LACTB2: variants seen among roughly 807,000 people sequenced by gnomAD.
The protein encoded by LACTB2 is endoribonuclease LACTB2.
Under a neutral mutation model 34.8 loss-of-function variants are expected in LACTB2, and 32 were observed. That is an observed-to-expected ratio of 0.92 (90% CI 0.69 to 1.24). The LOEUF (loss-of-function observed/expected upper bound fraction) is 1.24. Ranked by LOEUF, LACTB2 falls within the 50% of genes most tolerant of loss-of-function variation. LACTB2 has a pLI of 0.00. For missense variants in LACTB2, 320 were observed against 345.0 expected (o/e 0.93, Z 0.57); for synonymous variants, 120 against 117.5 (o/e 1.02, Z -0.14).
chr8:70,665,737 A>C (rs1459007605), intron 1 of LACTB2, among the ~76,000 whole-genome samples: 1 of 152,232 alleles, frequency 6.6e-6, no homozygotes, highest in Non-Finnish European at 1.5e-5. Context: ...TGGCTAGTAA[A>C]TGGCACCAGG....
At chr8:70,638,071 A>G (rs1275459181) in intron 6 of LACTB2, among the ~76,000 whole-genome samples, 168 bp from the exon 7 acceptor site, 1 of 152,272 alleles carries the variant, frequency 6.6e-6, no homozygotes, top group Non-Finnish European at 1.5e-5. Flanking sequence ...AGGCTTCTAC[A>G]TCAAATTCAA....
chr8:70,638,766 G>A (rs1818156519), intron 5 of LACTB2, 137 bp from the exon 6 acceptor site: 3 of 677,794 alleles, frequency 4.4e-6, no homozygotes, highest in Admixed American at 1.0e-4. Flanking sequence ...TTTTGAGACA[G>A]AGTCTCACTC....
At chr8:70,663,067 A>G (rs1818499230) in intron 1 of LACTB2, 2 of 152,224 alleles carry the variant, frequency 1.3e-5, no homozygotes, top group Non-Finnish European at 2.9e-5. Context: ...CTGACAGATT[A>G]GCCTTGATGA....
chr8:70,637,894 G>A lies in LACTB2; in HGVS notation c.833C>T (p.Thr278Ile), dbSNP rs775816208. ...AGCTTTCCATTTCTTGTCAGGATCT[G>A]TGTTGCTAACTGTAAAAAGAAAATC... ...LEKEGKIFSN[T>I]DPDKKWKAHL The change falls in exon 7 of 7, where the codon ACA (threonine) becomes ATA (isoleucine). Residue 278 changes from threonine (T) to isoleucine (I), a missense_variant. By Grantham distance (89) the Thr-to-Ile change is moderately conservative. Coordinates refer to ENST00000276590, the MANE Select transcript of LACTB2 (RefSeq NM_016027.3). 1.9e-5 allele frequency: 29 copies of A among 1,545,964 alleles called. No individual in the cohort carries two copies. The highest frequency in any genetic ancestry group is 2.4e-5 in the Non-Finnish European group (28 of 1,144,534).
rs1351513217 is a variant in LACTB2, at chr8:70,668,993, G to C, written c.122+6C>G. 3.8e-6 allele frequency: 6 copies of C among 1,579,680 alleles called. No individual in the cohort carries two copies. The highest frequency in any genetic ancestry group is 5.2e-6 in the Non-Finnish European group (6 of 1,162,998). ...AACGTTGGGGAGGTTGGAGAGGGAC[G>C]TTTACCTGGGGCCGGTCCCCACTAG... On this transcript the variant is annotated splice_donor_region_variant and intron_variant, in intron 1 of 6. Transcript: ENST00000276590.
At chr8:70,661,695 G>A (rs771044453) in intron 2 of LACTB2, 39 bp downstream of exon 2, 26 of 1,555,636 alleles carry the variant, frequency 1.7e-5, no homozygotes, top group African/African-American at 5.5e-5. Context: ...CTCCAAACAC[G>A]GCTTTCCTCA....
chr8:70,659,001 C>T (rs180984764), intron 2 of LACTB2, among the ~76,000 whole-genome samples: 6 of 151,356 alleles, frequency 4.0e-5, no homozygotes, highest in East Asian at 3.9e-4. Context: ...CATTCCAGGC[C>T]GAGCGACAGT....
chr8:70,659,839 G>C (rs1194298948), intron 2 of LACTB2, among the ~76,000 whole-genome samples: 1 of 152,168 alleles, frequency 6.6e-6, no homozygotes, highest in African/African-American at 2.4e-5. Context: ...GGGGATGGGG[G>C]AAATCACTGC....
intron 2 of LACTB2, among the ~76,000 whole-genome samples, chr8:70,658,235 T>C (rs1205066266): frequency 2.6e-5 from 4 of 152,228 alleles, no homozygotes; most frequent in African/African-American, 9.6e-5. Context: ...TCCAGGTGCC[T>C]AACATGTAGC....
intron 3 of LACTB2, chr8:70,652,009 A>G (rs896708277): frequency 6.6e-6 from 1 of 152,206 alleles, no homozygotes; most frequent in African/African-American, 2.4e-5. Flanking sequence ...TTTCTTCAAG[A>G]AATTTAACTT....
intron 4 of LACTB2, among the ~76,000 whole-genome samples, chr8:70,642,319 C>T (rs1818208492): frequency 6.6e-6 from 1 of 152,144 alleles, no homozygotes; most frequent in South Asian, 2.1e-4. Flanking sequence ...ATGCCCAGCT[C>T]TACCGTATGT....
At chr8:70,650,161 C>G (rs114754695) in intron 3 of LACTB2, among the ~76,000 whole-genome samples, 1,584 of 152,036 alleles carry the variant, frequency 0.01, 25 homozygotes, top group African/African-American at 0.036. Flanking sequence ...GTAAACCTGT[C>G]TTTTTACAAG....
intron 2 of LACTB2, among the ~76,000 whole-genome samples, chr8:70,659,046 A>G (rs1818449319): frequency 1.3e-5 from 2 of 152,156 alleles, no homozygotes; most frequent in Non-Finnish European, 2.9e-5. Context: ...AAGCATTAAA[A>G]TGAGAATGAG....
intron 1 of LACTB2, among the ~76,000 whole-genome samples, chr8:70,667,665 A>G (rs1818548887): frequency 1.3e-5 from 2 of 152,196 alleles, no homozygotes; most frequent in Admixed American, 6.5e-5. Context: ...AAGATACAGT[A>G]TGTATTTTTC....
In LACTB2 at chr8:70,657,897, T is replaced by G. The variant is rs1395055977; in HGVS notation, c.287-15A>C. On this transcript the variant is annotated splice_polypyrimidine_tract_variant and intron_variant, in intron 2 of 6. Transcript: ENST00000276590. ...ATAGGTAGTGTCTAGTCATAAAACA[T>G]ATAAAATATATTAATTCACACTTTA... The G allele has an allele frequency of 2.6e-6, 4 of 1,535,630 alleles. No homozygotes were observed. The highest frequency in any genetic ancestry group is 3.6e-6 in the Non-Finnish European group (4 of 1,123,064).
At chr8:70,640,702 G>T (rs543337257) in intron 5 of LACTB2, 200 bp downstream of exon 5, 2 of 460,330 alleles carry the variant, frequency 4.3e-6, no homozygotes, top group African/African-American at 2.0e-5. Flanking sequence ...TTCAATGATG[G>T]CTCGAAATGG....
intron 4 of LACTB2, 99 bp from the exon 5 acceptor site, chr8:70,641,149 T>C: frequency 9.0e-7 from 1 of 1,108,046 alleles, no homozygotes; most frequent in East Asian, 2.9e-5. Flanking sequence ...TCATATGATA[T>C]ATTGAAAAAG....
At chr8:70,644,545 C>T (rs1318059986) in intron 3 of LACTB2, among the ~76,000 whole-genome samples, 1 of 152,212 alleles carries the variant, frequency 6.6e-6, no homozygotes, top group Non-Finnish European at 1.5e-5. Context: ...GATCACAGGT[C>T]ACTGCAGGCT....
rs1330756302 is a variant in LACTB2, at chr8:70,669,069, C to G, written c.52G>C (p.Val18Leu). ...ATGGGACCCGGGTTACAGCCCAACA[C>G]ACGCACGACTCGATTGGACAGCCGC... ...VERLSNRVVR[V>L]LGCNPGPMTL... The change falls in exon 1 of 7, where the codon GTG (valine) becomes CTG (leucine). Residue 18 changes from valine (V) to leucine (L), a missense_variant. Transcript: ENST00000276590. The G allele has an allele frequency of 5.6e-6, 9 of 1,612,882 alleles. No homozygotes were observed. Among genetic ancestry groups the G allele is most frequent in the African/African-American group, 1.3e-5 (1 of 74,920 alleles).
Sources: gnomAD v4.1 joint callset for allele counts (sites outside exome capture counted in the v4.1 genomes callset) on GRCh38, gnomAD v4.1.1 for gene constraint, MANE v1.5 for transcripts, NCBI Gene and HGNC (gene_info 2026-07-23, HGNC 2026-07-21) for gene names.